CWC27: variants seen among roughly 807,000 people sequenced by gnomAD.
The protein encoded by CWC27 is spliceosome-associated protein CWC27 homolog.
Under a neutral mutation model 63.6 loss-of-function variants are expected in CWC27, and 47 were observed. That is an observed-to-expected ratio of 0.74 (90% CI 0.58 to 0.94). The LOEUF (loss-of-function observed/expected upper bound fraction) is 0.94, where lower values mean the gene tolerates loss of function less well. CWC27 is among the 40% of genes least tolerant of loss of function. The pLI, the probability that CWC27 is intolerant of heterozygous loss-of-function variation, is 0.00. For missense variants in CWC27, 495 were observed against 554.3 expected (o/e 0.89, Z 1.07); for synonymous variants, 175 against 179.8 (o/e 0.97, Z 0.22).
At chr5:64,875,587 T>G (rs1239969266) in intron 10 of CWC27, among the ~76,000 whole-genome samples, 1 of 152,172 alleles carries the variant, frequency 6.6e-6, no homozygotes, top group Non-Finnish European at 1.5e-5. Context: ...GCAATTCACT[T>G]TGAAGCATTT....
intron 11 of CWC27, among the ~76,000 whole-genome samples, chr5:64,944,343 G>A (rs1029330518): frequency 5.3e-5 from 8 of 151,830 alleles, no homozygotes; most frequent in African/African-American, 9.7e-5. Context: ...TTAGACTTCC[G>A]TTCACACACA....
intron 10 of CWC27, among the ~76,000 whole-genome samples, chr5:64,819,005 T>C (rs534616935): frequency 6.6e-6 from 1 of 152,342 alleles, no homozygotes; most frequent in South Asian, 2.1e-4. Context: ...TAATTAGTAA[T>C]GAAAATACAC....
At chr5:65,004,844 A>C (rs1166037999) in intron 13 of CWC27, among the ~76,000 whole-genome samples, 1 of 134,500 alleles carries the variant, frequency 7.4e-6, no homozygotes, top group Non-Finnish European at 1.6e-5. Flanking sequence ...ATTGGCCTTC[A>C]GAGGGAAAGA....
intron 11 of CWC27, among the ~76,000 whole-genome samples, chr5:64,968,728 G>C (rs1278157654): frequency 1.3e-5 from 2 of 152,160 alleles, no homozygotes; most frequent in African/African-American, 4.8e-5. Flanking sequence ...CACTTTGTAG[G>C]GTATGTGGAA....
At position 64,801,318 on chromosome 5, in the gene CWC27, C is replaced by G. The variant is rs7735338; in HGVS notation, c.766C>G (p.Pro256Ala). Residue 256 changes from proline to alanine, a missense_variant, in exon 9 of 14, where the codon CCA becomes GCA. Transcript: ENST00000381070. ...TTTTTATAGTGAAAAAGGTGATGCACCAGATTTAGTTGATGTAAGTATTTA... is the reference window on the plus strand; with the variant it reads ...TTTTTATAGTGAAAAAGGTGATGCAGCAGATTTAGTTGATGTAAGTATTTA... ...PVVESEKGDAPDLVDDGEDES... is the reference protein window; with the variant it reads ...PVVESEKGDAADLVDDGEDES... 360,672 of 1,263,708 alleles carry G rather than the reference C, an allele frequency of 0.29. 63,694 individuals carry two copies. Among genetic ancestry groups the G allele is most frequent in the East Asian group, 0.46 (15,825 of 34,060 alleles). The allele number at this position is 1,263,708 out of a possible 1,614,324, so 78.3% of individuals were successfully genotyped here.
intron 10 of CWC27, among the ~76,000 whole-genome samples, chr5:64,828,105 T>C (rs1435115996): frequency 2.0e-5 from 3 of 152,132 alleles, no homozygotes; most frequent in African/African-American, 7.2e-5. Context: ...AGGGGGACTA[T>C]GTATTCTCTA....
At chr5:64,869,188 A>C (rs1580689842) in intron 10 of CWC27, among the ~76,000 whole-genome samples, 1 of 152,078 alleles carries the variant, frequency 6.6e-6, no homozygotes, top group Non-Finnish European at 1.5e-5. Flanking sequence ...ATTTTGGTTT[A>C]ATGAAGAACA....
At chr5:64,812,003 A>G (rs1744891019) in intron 10 of CWC27, among the ~76,000 whole-genome samples, 1 of 151,994 alleles carries the variant, frequency 6.6e-6, no homozygotes, top group Admixed American at 6.6e-5. Context: ...GAATTTCTAG[A>G]CTTCTCAGAA....
chr5:65,013,468 T>G (rs1749996816), intron 13 of CWC27, among the ~76,000 whole-genome samples: 1 of 152,212 alleles, frequency 6.6e-6, no homozygotes, highest in African/African-American at 2.4e-5. Context: ...AGACTCAAAC[T>G]GTCTCAAACA....
chr5:64,931,999 G>A (rs1748246431), intron 11 of CWC27, among the ~76,000 whole-genome samples: 1 of 152,034 alleles, frequency 6.6e-6, no homozygotes, highest in South Asian at 2.1e-4. Context: ...ACAAACAAGA[G>A]TTTCTTTAGG....
At chr5:64,872,729 T>C (rs1390478951) in intron 10 of CWC27, among the ~76,000 whole-genome samples, 1 of 152,192 alleles carries the variant, frequency 6.6e-6, no homozygotes, top group Non-Finnish European at 1.5e-5. Flanking sequence ...TTACCAAGTA[T>C]GGCTTTCACA....
chr5:64,962,453 T>C (rs1256924634), intron 11 of CWC27, among the ~76,000 whole-genome samples: 1 of 152,192 alleles, frequency 6.6e-6, no homozygotes, highest in Non-Finnish European at 1.5e-5. Flanking sequence ...GATAGGGTTT[T>C]AATCTCACAT....
intron 11 of CWC27, among the ~76,000 whole-genome samples, chr5:64,954,280 G>T (rs1748763426): frequency 1.3e-5 from 2 of 151,958 alleles, no homozygotes; most frequent in South Asian, 4.1e-4. Context: ...CTACTTCCCT[G>T]ATTTATTGTT....
intron 11 of CWC27, among the ~76,000 whole-genome samples, chr5:64,941,941 T>A (rs1748490815): frequency 6.6e-6 from 1 of 151,894 alleles, no homozygotes; most frequent in African/African-American, 2.4e-5. Context: ...TATTAAATAA[T>A]GTACAAAAAT....
chr5:64,914,914 A>G (rs1747861498), intron 11 of CWC27, among the ~76,000 whole-genome samples: 1 of 152,204 alleles, frequency 6.6e-6, no homozygotes, highest in Non-Finnish European at 1.5e-5. Context: ...TATACAAGTG[A>G]AAATGAAAGA....
chr5:64,832,172 A>T (rs1745540529), intron 10 of CWC27, among the ~76,000 whole-genome samples: 1 of 151,912 alleles, frequency 6.6e-6, no homozygotes, highest in African/African-American at 2.4e-5. Flanking sequence ...CCCATGTGTG[A>T]TTTTGTAATA....
intron 10 of CWC27, among the ~76,000 whole-genome samples, chr5:64,872,071 G>C (rs1746687609): frequency 6.6e-6 from 1 of 152,140 alleles, no homozygotes; most frequent in African/African-American, 2.4e-5. Flanking sequence ...TAGACCTAAG[G>C]TAAGGATAAA....
At chr5:64,940,292 A>T (rs1024464862) in intron 11 of CWC27, among the ~76,000 whole-genome samples, 2 of 152,124 alleles carry the variant, frequency 1.3e-5, no homozygotes, top group African/African-American at 4.8e-5. Flanking sequence ...AGACTGTGGG[A>T]AAAGCTTAGT....
At chr5:64,769,926 T>C (rs1743184324) in intron 1 of CWC27, among the ~76,000 whole-genome samples, 1 of 152,218 alleles carries the variant, frequency 6.6e-6, no homozygotes, top group African/African-American at 2.4e-5. Context: ...GTTTGTATGC[T>C]GTACAAGGCA....
Sources: allele counts gnomAD v4.1 joint callset (sites outside exome capture counted in the v4.1 genomes callset), GRCh38; gene constraint gnomAD v4.1.1; transcripts MANE v1.5; gene names NCBI Gene and HGNC (gene_info 2026-07-23, HGNC 2026-07-21).